Variants in OPCML observed in about 807,000 individuals in gnomAD.
The protein encoded by OPCML is opioid binding protein/cell adhesion molecule like.
Under a neutral mutation model 37.8 loss-of-function variants are expected in OPCML, and 13 were observed. The observed-to-expected ratio is 0.34, with a 90% confidence interval of 0.22 to 0.55. The LOEUF (loss-of-function observed/expected upper bound fraction) is 0.55, where lower values mean the gene tolerates loss of function less well. Ranked by LOEUF, OPCML falls within the 20% of genes least tolerant of loss-of-function variation. The pLI is 0.91. For synonymous variants in OPCML, 176 were observed against 168.8 expected, an observed-to-expected ratio of 1.04 and a Z score of -0.33; for missense variants, 341 against 435.6, an observed-to-expected ratio of 0.78 and a Z score of 1.93.
chr11:133,261,538 G>A (rs951319696), intron 1 of OPCML, among the ~76,000 whole-genome samples: 3 of 152,150 alleles, frequency 2.0e-5, no homozygotes, highest in African/African-American at 7.2e-5. Flanking sequence ...GAGTGGTGAG[G>A]CTGGCACATG....
intron 3 of OPCML, among the ~76,000 whole-genome samples, chr11:132,558,401 C>T (rs1471818335): frequency 2.7e-5 from 1 of 37,206 alleles, no homozygotes; most frequent in Non-Finnish European, 5.2e-5. Flanking sequence ...TCCCCCTCCT[C>T]CTCTTCCCCT....
chr11:132,435,349 C>T (rs898400979), intron 7 of OPCML: 23 of 546,284 alleles, frequency 4.2e-5, no homozygotes, highest in Non-Finnish European at 4.9e-5. Flanking sequence ...ATCCTTCATC[C>T]TCTCATCCTA....
chr11:132,566,990 C>A (rs2096425002), intron 3 of OPCML, among the ~76,000 whole-genome samples: 1 of 147,878 alleles, frequency 6.8e-6, no homozygotes, highest in Non-Finnish European at 1.5e-5. Flanking sequence ...TTTTTTCCTG[C>A]AGAATGACTA....
chr11:132,686,538 C>G (rs1943164571), intron 2 of OPCML, among the ~76,000 whole-genome samples: 1 of 152,146 alleles, frequency 6.6e-6, no homozygotes, highest in Non-Finnish European at 1.5e-5. Context: ...AAACATCGTG[C>G]CTCTTATGCA....
chr11:132,825,667 A>T (rs1940270108), intron 2 of OPCML, among the ~76,000 whole-genome samples: 1 of 152,188 alleles, frequency 6.6e-6, no homozygotes, highest in Admixed American at 6.5e-5. Context: ...TACAACTCTA[A>T]TTAAACAAAT....
chr11:133,425,758 T>C (rs557519476), intron 1 of OPCML, among the ~76,000 whole-genome samples: 1 of 152,276 alleles, frequency 6.6e-6, no homozygotes, highest in East Asian at 1.9e-4. Context: ...ATTATAAAAT[T>C]TTCTGTACAT....
intron 7 of OPCML, among the ~76,000 whole-genome samples, chr11:132,427,832 C>T (rs563836194): frequency 2.6e-5 from 4 of 152,244 alleles, no homozygotes; most frequent in African/African-American, 9.6e-5. Context: ...ACGAGCAAAC[C>T]ACAAGGAACC....
intron 2 of OPCML, among the ~76,000 whole-genome samples, chr11:132,894,081 T>C (rs11223268): frequency 0.38 from 57,042 of 152,064 alleles, 11,723 homozygotes; most frequent in African/African-American, 0.53. Context: ...GTAAGAATTA[T>C]AATGTTTGCC....
At chr11:132,626,796 G>A (rs1939768937) in intron 3 of OPCML, among the ~76,000 whole-genome samples, 1 of 232 alleles carries the variant, frequency 4.3e-3, no homozygotes, top group Non-Finnish European at 8.9e-3. Flanking sequence ...TGTACAGAAC[G>A]GTTTTAAAGG....
intron 1 of OPCML, among the ~76,000 whole-genome samples, chr11:133,082,137 A>G (rs113618539): frequency 0.01 from 1,591 of 151,844 alleles, 19 homozygotes; most frequent in African/African-American, 0.037. Flanking sequence ...ACCCCTCCCC[A>G]GGCCAAGGGC....
chr11:133,459,582 C>T (rs1946812638), intron 1 of OPCML, among the ~76,000 whole-genome samples: 1 of 151,890 alleles, frequency 6.6e-6, no homozygotes, highest in Non-Finnish European at 1.5e-5. Context: ...GCAAAAACGG[C>T]CAACTAATAT....
At chr11:132,647,713 C>T (rs145073755) in intron 3 of OPCML, among the ~76,000 whole-genome samples, 88 of 152,106 alleles carry the variant, frequency 5.8e-4, no homozygotes, top group African/African-American at 1.9e-3. Flanking sequence ...GTAGGTCTTG[C>T]GGTCTCAGGA....
chr11:133,218,430 G>A (rs761234355), intron 1 of OPCML, among the ~76,000 whole-genome samples: 49 of 152,202 alleles, frequency 3.2e-4, no homozygotes, highest in African/African-American at 1.2e-3. Flanking sequence ...GTTCGCTAAA[G>A]GAGAAATGCC....
intron 3 of OPCML, 62 bp downstream of exon 3, chr11:132,657,025 A>AAC (rs1433542639): frequency 1.3e-6 from 2 of 1,581,284 alleles, no homozygotes; most frequent in African/African-American, 2.7e-5. Flanking sequence ...AACAAACACC[A>AAC]ACACTGTTCT....
At chr11:133,531,526 G>C (rs529757850) in intron 1 of OPCML, among the ~76,000 whole-genome samples, 4 of 152,316 alleles carry the variant, frequency 2.6e-5, no homozygotes, top group African/African-American at 9.6e-5. Flanking sequence ...GAGATACTGA[G>C]AGGATTCCGA....
intron 2 of OPCML, among the ~76,000 whole-genome samples, chr11:132,883,922 G>A (rs1022566259): frequency 2.6e-5 from 4 of 152,172 alleles, no homozygotes; most frequent in African/African-American, 9.7e-5. Flanking sequence ...TGCCTCACAT[G>A]TTCCAGTGAG....
chr11:133,193,186 A>G (rs1938394025), intron 1 of OPCML, among the ~76,000 whole-genome samples: 1 of 152,204 alleles, frequency 6.6e-6, no homozygotes, highest in Non-Finnish European at 1.5e-5. Context: ...TAGTGGAACC[A>G]GAAGAATCCT....
At chr11:133,361,096 AC>A in intron 1 of OPCML, 1 of 151,884 alleles carries the variant, frequency 6.6e-6, no homozygotes, top group Non-Finnish European at 1.5e-5. Flanking sequence ...ACTTCCTATG[AC>A]CCCCCGCTTG....
rs796886855 is a variant in OPCML, at chr11:132,481,836, A to G, written c.506-44477T>C. Among the ~76,000 whole-genome samples, 144 of 150,918 alleles carry G rather than the reference A, an allele frequency of 9.5e-4. No individual in the cohort carries two copies. The East Asian group carries it at 0.026, about 27-fold the overall frequency. The stretch of plus-strand genomic sequence containing the variant: ...GAATGACTACTGGGTACATAACGAA[A>G]TGAAGGCAGAAATAAAGATGTTCTT... On this transcript the variant is annotated intron_variant, in intron 4 of 7. Coordinates refer to ENST00000524381, the MANE Select transcript of OPCML (RefSeq NM_001012393.5).
Sources: gnomAD v4.1 joint callset for allele counts (sites outside exome capture counted in the v4.1 genomes callset) on GRCh38, gnomAD v4.1.1 for gene constraint, MANE v1.5 for transcripts, NCBI Gene and HGNC (gene_info 2026-07-23, HGNC 2026-07-21) for gene names.